BOP1: variants seen among roughly 807,000 people sequenced by gnomAD.
BOP1 encodes the protein BOP1 ribosomal biogenesis factor.
Under a neutral mutation model 82.9 loss-of-function variants are expected in BOP1, and 54 were observed. The ratio of observed to expected loss-of-function variants is 0.65; its 90% CI spans 0.52 to 0.82. The LOEUF (loss-of-function observed/expected upper bound fraction) is 0.82, where lower values mean the gene tolerates loss of function less well. Among genes scored for constraint, BOP1 ranks in the 40% least tolerant of loss-of-function variants. The probability of loss-of-function intolerance (pLI) is 0.00; values close to 1 mark genes in which losing one functional copy is unlikely to be tolerated. For missense variants in BOP1, 1,170 were observed against 1,072.0 expected (o/e 1.09, Z -1.28); for synonymous variants, 566 against 451.1 (o/e 1.25, Z -3.23).
intron 1 of BOP1, among the ~76,000 whole-genome samples, chr8:144,289,902 T>C (rs1814987448): frequency 1.3e-5 from 2 of 152,212 alleles, no homozygotes; most frequent in African/African-American, 4.8e-5. Flanking sequence ...ACAGGAATGA[T>C]AGAGACTCTA....
intron 1 of BOP1, among the ~76,000 whole-genome samples, chr8:144,289,839 C>T (rs781981312): frequency 2.0e-5 from 3 of 152,200 alleles, no homozygotes; most frequent in Non-Finnish European, 2.9e-5. Context: ...CCTCATTTAA[C>T]CAGATTGGGA....
chr8:144,266,922 C>T, intron 3 of BOP1: 13 of 1,555,414 alleles, frequency 8.4e-6, no homozygotes, highest in Non-Finnish European at 1.0e-5. Context: ...CGCTGATCCC[C>T]ACCGAGCCCG....
intron 3 of BOP1, chr8:144,266,468 T>A: frequency 1.0e-6 from 1 of 979,702 alleles, no homozygotes; most frequent in Non-Finnish European, 1.2e-6. Flanking sequence ...GGGACGCACA[T>A]GTGCGCGCGA....
In BOP1 at chr8:144,264,636, C is replaced by A; in HGVS notation, c.664-20G>T. On this transcript the variant is annotated intron_variant, in intron 5 of 15. Transcript: ENST00000569669. ...AGCCGGCTGGGGGAGAAGATGTGGG[C>A]GTGTGGGCCAGAGTGGCTGAGGCCC... is the stretch of plus-strand genomic sequence containing the variant. The A allele has an allele frequency of 6.3e-7, 1 of 1,579,346 alleles. No individual in the cohort carries two copies. The highest frequency in any genetic ancestry group is 8.6e-7 in the Non-Finnish European group (1 of 1,162,336).
intron 2 of BOP1, among the ~76,000 whole-genome samples, chr8:144,284,970 G>A (rs1417676486): frequency 1.3e-5 from 2 of 152,040 alleles, no homozygotes; most frequent in Non-Finnish European, 2.9e-5. Context: ...AGCAGTCACC[G>A]GGCTCCCCGC....
At chr8:144,276,605 A>AC (rs1564599859) in intron 2 of BOP1, among the ~76,000 whole-genome samples, 19 of 152,156 alleles carry the variant, frequency 1.2e-4, no homozygotes, top group Non-Finnish European at 2.4e-4. Flanking sequence ...TGGGGCAGTC[A>AC]GGAGCAAAGC....
At position 144,262,972 on chromosome 8, in the gene BOP1, G is replaced by A; in HGVS notation, c.1775C>T (p.Pro592Leu). The change falls in exon 13 of 16, where the codon CCC (proline) becomes CTC (leucine). Residue 592 changes from proline to leucine, a missense_variant. Transcript: ENST00000569669. ...VQRVAFHPAR[P>L]FLLVASQRSV... ...GCGCTGGGACGCCACCAACAGGAAG[G>A]GCCGGGCAGGGTGGAAGGCCACTCG... 6.5e-7 allele frequency: 1 copy of A among 1,550,150 alleles called. No individual in the cohort carries two copies. Among genetic ancestry groups the A allele is most frequent in the Non-Finnish European group, 8.7e-7 (1 of 1,154,792 alleles).
intron 2 of BOP1, among the ~76,000 whole-genome samples, 172 bp downstream of exon 2, chr8:144,288,923 G>A (rs966442608): frequency 2.0e-5 from 3 of 152,258 alleles, no homozygotes; most frequent in Non-Finnish European, 4.4e-5. Context: ...ACGCAACTGG[G>A]GATGGAAACC....
Position 144,262,460 on chromosome 8 carries a change from A to G in BOP1, c.2023T>C (p.Tyr675His). ...ALRAVAFHPR[Y>H]PLFASGSDDG... ...TCCGAGCCTGACGCAAAGAGTGGGT[A>G]CCGCGGGTGGAAGGCCACAGCCCGC... Residue 675 changes from tyrosine to histidine, a missense_variant, in exon 15 of 16, where the codon TAC (tyrosine) becomes CAC (histidine). Tyr to His is a moderately conservative substitution (Grantham distance 83). Transcript: ENST00000569669. The G allele has an allele frequency of 6.2e-7, 1 of 1,612,870 alleles. No homozygotes were observed. Among genetic ancestry groups the G allele is most frequent in the Non-Finnish European group, 8.5e-7 (1 of 1,179,812 alleles).
At chr8:144,287,306 G>A (rs1051403983) in intron 2 of BOP1, among the ~76,000 whole-genome samples, 4 of 152,086 alleles carry the variant, frequency 2.6e-5, no homozygotes, top group South Asian at 4.2e-4. Context: ...CACCACGCCC[G>A]CTGAAAGAAT....
chr8:144,268,769 G>A (rs1380359117), intron 3 of BOP1, among the ~76,000 whole-genome samples: 2 of 152,112 alleles, frequency 1.3e-5, no homozygotes, highest in Non-Finnish European at 2.9e-5. Context: ...TGGGGAGGGC[G>A]AGGCACAAGG....
chr8:144,287,172 G>A (rs1474815926), intron 2 of BOP1, among the ~76,000 whole-genome samples: 1 of 151,944 alleles, frequency 6.6e-6, no homozygotes, highest in Non-Finnish European at 1.5e-5. Flanking sequence ...ACCACGCCCA[G>A]CTAATTTTTA....
rs1015695086 is a variant in BOP1 at position 144,264,451 on chromosome 8, C to T, written c.766-14G>A. On this transcript the variant is annotated splice_polypyrimidine_tract_variant and intron_variant, in intron 6 of 15. Transcript: ENST00000569669. The stretch of plus-strand genomic sequence containing the variant: ...CATGCGAGAGACCTGCATAGACAGC[C>T]GGGTCAGGACGGGCAGTGCGGGGCG... 2.3e-4 allele frequency: 366 copies of T among 1,605,460 alleles called. No homozygotes were observed. The African/African-American group carries it at 3.6e-3, about 16-fold the overall frequency.
intron 1 of BOP1, 84 bp from the exon 2 acceptor site, chr8:144,289,388 T>C: frequency 2.1e-6 from 3 of 1,431,654 alleles, no homozygotes; most frequent in Non-Finnish European, 2.9e-6. Flanking sequence ...CTCTCGCCCC[T>C]CCAGCCACCC....
chr8:144,268,192 G>C, intron 3 of BOP1: 1 of 1,548,408 alleles, frequency 6.5e-7, no homozygotes, highest in Non-Finnish European at 8.7e-7. Flanking sequence ...GGAGGTGGAC[G>C]CCCGGGGTGA....
intron 3 of BOP1, among the ~76,000 whole-genome samples, chr8:144,273,154 G>A (rs1845519011): frequency 1.3e-5 from 2 of 152,278 alleles, no homozygotes; most frequent in South Asian, 4.1e-4. Context: ...AGTGCGCGGG[G>A]CCAGGACGCG....
At position 144,263,290 on chromosome 8, in the gene BOP1, C is replaced by A; in HGVS notation, c.1536G>T (p.Pro512=). The A allele has an allele frequency of 6.3e-7, 1 of 1,594,234 alleles. No individual in the cohort carries two copies. Among genetic ancestry groups the A allele is most frequent in the Non-Finnish European group, 8.5e-7 (1 of 1,178,976 alleles). The part of the protein sequence containing the change: ...FVPPEEPPLQ[P]ARWLEASEEE... ...CCTCTGAGGCCTCCAGCCAGCGGGC[C>A]GGCTGCAAGGGGGGCTCCTCAGGCG... The change falls in exon 12 of 16, where the codon CCG becomes CCT. Residue 512 remains proline, a synonymous_variant. Coordinates refer to ENST00000569669, the MANE Select transcript of BOP1 (RefSeq NM_015201.5).
intron 2 of BOP1, among the ~76,000 whole-genome samples, chr8:144,280,888 C>A (rs782295012): frequency 1.3e-5 from 2 of 151,994 alleles, no homozygotes; most frequent in Non-Finnish European, 2.9e-5. Flanking sequence ...ACTTTAATAC[C>A]AGGTCTTCGG....
intron 3 of BOP1, among the ~76,000 whole-genome samples, chr8:144,273,472 G>A (rs767670470): frequency 1.8e-4 from 28 of 152,364 alleles, no homozygotes; most frequent in Middle Eastern, 3.4e-3. Context: ...CGGCTCCTCC[G>A]GCCAGAGTGG....
Sources: allele counts gnomAD v4.1 joint callset (sites outside exome capture counted in the v4.1 genomes callset), GRCh38; gene constraint gnomAD v4.1.1; transcripts MANE v1.5; gene names NCBI Gene and HGNC (gene_info 2026-07-23, HGNC 2026-07-21).